The following TRABD2B variants were observed in gnomAD, a reference collection of about 807,000 sequenced individuals.
The protein encoded by TRABD2B is TraB domain containing 2B.
Under a neutral mutation model 40.1 loss-of-function variants are expected in TRABD2B, and 14 were observed. The observed-to-expected ratio is 0.35, with a 90% CI of 0.23 to 0.55. The LOEUF (loss-of-function observed/expected upper bound fraction) is 0.55, where lower values mean the gene tolerates loss of function less well. TRABD2B is among the 20% of genes least tolerant of loss of function. TRABD2B has a pLI of 0.90. For missense variants in TRABD2B, 541 were observed against 648.6 expected (o/e 0.83, Z 1.80); for synonymous variants, 263 against 277.0 (o/e 0.95, Z 0.50).
intron 2 of TRABD2B, among the ~76,000 whole-genome samples, chr1:47,990,773 ATATATATAT>A (rs1645993797): frequency 6.6e-4 from 2 of 3,052 alleles, no homozygotes; most frequent in East Asian, 0.013. Flanking sequence ...CGTTGGTTTT[ATATATATAT>A]ATATATATAT....
At chr1:47,946,254 G>A (rs1645258559) in intron 2 of TRABD2B, among the ~76,000 whole-genome samples, 1 of 152,028 alleles carries the variant, frequency 6.6e-6, no homozygotes, top group African/African-American at 2.4e-5. Context: ...TTATCATTTA[G>A]TTTTGAGCAT....
At chr1:47,915,682 G>T (rs1334875101) in intron 2 of TRABD2B, among the ~76,000 whole-genome samples, 1 of 152,114 alleles carries the variant, frequency 6.6e-6, no homozygotes, top group East Asian at 1.9e-4. Context: ...TAGGAACAAG[G>T]GCCAGGTCTT....
Position 47,795,264 on chromosome 1 carries a change from G to A in TRABD2B, c.814-504C>T, listed in dbSNP as rs578251230. Among the ~76,000 whole-genome samples, 3 of 152,334 alleles carry A rather than the reference G, an allele frequency of 2.0e-5. No individual in the cohort carries two copies. In the East Asian group the frequency reaches 5.8e-4, roughly 29 times the overall value. On this transcript the variant is annotated intron_variant, in intron 3 of 6. Coordinates refer to ENST00000606738, the MANE Select transcript of TRABD2B (RefSeq NM_001194986.2). ...AGATGAAGCAAGCAAGAGTGGAAAA[G>A]ATCCAGAGATGTGCTGGCAGTGCCA... is the stretch of plus-strand genomic sequence containing the variant.
At position 47,788,657 on chromosome 1, in the gene TRABD2B, C is replaced by T. The variant is rs368163872; in HGVS notation, c.988+5929G>A. ...CAAATAATGCTAGCATGTTAGAAGG[C>T]TCTGATTACAGCATGCTGGAATATT... On this transcript the variant is annotated intron_variant, in intron 4 of 6. Transcript: ENST00000606738. Among the ~76,000 whole-genome samples, 9 of 152,308 alleles carry T rather than the reference C, an allele frequency of 5.9e-5. No individual in the cohort carries two copies. In the South Asian group the frequency reaches 8.3e-4, roughly 14 times the overall value.
intron 2 of TRABD2B, among the ~76,000 whole-genome samples, chr1:47,989,276 G>A (rs924908302): frequency 6.6e-6 from 1 of 152,198 alleles, no homozygotes; most frequent in Non-Finnish European, 1.5e-5. Context: ...ATGGAAAGGA[G>A]CTTTCAAAGT....
At chr1:47,992,558 C>T (rs1408281756) in intron 2 of TRABD2B, among the ~76,000 whole-genome samples, 1 of 152,204 alleles carries the variant, frequency 6.6e-6, no homozygotes, top group Non-Finnish European at 1.5e-5. Flanking sequence ...GATATCGAGG[C>T]CAGACCTAGG....
chr1:47,870,016 G>T (rs189175111), intron 2 of TRABD2B, among the ~76,000 whole-genome samples: 2 of 152,136 alleles, frequency 1.3e-5, no homozygotes, highest in Non-Finnish European at 2.9e-5. Context: ...CACACCTAGC[G>T]TCCCAAGAGC....
chr1:47,893,864 G>A (rs1009320865), intron 2 of TRABD2B, among the ~76,000 whole-genome samples: 8 of 152,122 alleles, frequency 5.3e-5, no homozygotes, highest in Middle Eastern at 3.4e-3. Context: ...CCAACTTCTC[G>A]GGCTGCTTCA....
intron 2 of TRABD2B, among the ~76,000 whole-genome samples, chr1:47,905,344 T>C (rs1644661182): frequency 6.6e-6 from 1 of 152,214 alleles, no homozygotes; most frequent in African/African-American, 2.4e-5. Flanking sequence ...GGAGCCGTCC[T>C]GGCAGCTGGG....
At chr1:47,918,279 A>T (rs1008709932) in intron 2 of TRABD2B, among the ~76,000 whole-genome samples, 14 of 152,338 alleles carry the variant, frequency 9.2e-5, no homozygotes, top group Non-Finnish European at 1.3e-4. Flanking sequence ...AGTCCTGCAC[A>T]TGGCAACTGT....
At chr1:47,817,104 A>C (rs538642789) in intron 2 of TRABD2B, among the ~76,000 whole-genome samples, 27 of 152,238 alleles carry the variant, frequency 1.8e-4, no homozygotes, top group Non-Finnish European at 3.5e-4. Flanking sequence ...GGAAGTGGGA[A>C]GGAAGGAAGG....
chr1:47,827,484 G>A (rs1302478576), intron 2 of TRABD2B, among the ~76,000 whole-genome samples: 1 of 152,172 alleles, frequency 6.6e-6, no homozygotes, highest in African/African-American at 2.4e-5. Context: ...GCTGGCCAAG[G>A]GAGCTCCTAA....
chr1:47,830,812 A>G (rs1051162426), intron 2 of TRABD2B, among the ~76,000 whole-genome samples: 1 of 152,180 alleles, frequency 6.6e-6, no homozygotes, highest in African/African-American at 2.4e-5. Flanking sequence ...TCTCTGGGGG[A>G]CACTAATATT....
At chr1:47,822,705 G>C (rs1233167162) in intron 2 of TRABD2B, among the ~76,000 whole-genome samples, 1 of 152,246 alleles carries the variant, frequency 6.6e-6, no homozygotes, top group Non-Finnish European at 1.5e-5. Flanking sequence ...CCATTTCAGA[G>C]ATGAGGAAAC....
At chr1:47,803,720 C>A (rs2124297528) in intron 2 of TRABD2B, among the ~76,000 whole-genome samples, 1 of 152,366 alleles carries the variant, frequency 6.6e-6, no homozygotes, top group South Asian at 2.1e-4. Flanking sequence ...TGAGCTCCTT[C>A]AAGACAGGAA....
At chr1:47,787,772 GCATT>G (rs60604586) in intron 4 of TRABD2B, among the ~76,000 whole-genome samples, 2,271 of 151,826 alleles carry the variant, frequency 0.015, 31 homozygotes, top group Non-Finnish European at 0.024. Context: ...CAGGGTTGGT[GCATT>G]CATTCATTCA....
At chr1:47,768,672 G>A (rs1330108127) in intron 6 of TRABD2B, among the ~76,000 whole-genome samples, 1 of 152,174 alleles carries the variant, frequency 6.6e-6, no homozygotes, top group Non-Finnish European at 1.5e-5. Context: ...GTTTGCATGG[G>A]TTTCTATATG....
intron 2 of TRABD2B, among the ~76,000 whole-genome samples, chr1:47,936,236 T>C (rs1216547518): frequency 6.6e-6 from 1 of 152,226 alleles, no homozygotes; most frequent in Non-Finnish European, 1.5e-5. Flanking sequence ...GCTGAGGTCA[T>C]GAATTGACTT....
At position 47,874,733 on chromosome 1, in the gene TRABD2B, A is replaced by AATATAT. The variant is rs544355935; in HGVS notation, c.667-73120_667-73115dup. Among the ~76,000 whole-genome samples, 5 of 147,716 alleles carry AATATAT rather than the reference A, an allele frequency of 3.4e-5. No homozygotes were observed. The East Asian group carries it at 1.0e-3, about 30-fold the overall frequency. On this transcript the variant is annotated intron_variant, in intron 2 of 6. Transcript: ENST00000606738. ...CCGACATGCACCACCAGGCCTGGCT[A>AATATAT]ATATATATATATATATACACGCACA... is the stretch of plus-strand genomic sequence containing the variant.
Sources: allele counts gnomAD v4.1 joint callset (sites outside exome capture counted in the v4.1 genomes callset), GRCh38; gene constraint gnomAD v4.1.1; transcripts MANE v1.5; gene names NCBI Gene and HGNC (gene_info 2026-07-23, HGNC 2026-07-21).